The following RTF1 variants were observed in gnomAD, a reference collection of about 807,000 sequenced individuals.
RTF1 encodes the protein RTF1 homolog, Paf1/RNA polymerase II complex component, also known as RNA polymerase-associated protein RTF1 homolog.
A neutral mutation model predicts 95.7 loss-of-function variants in RTF1; 10 were observed. That is an observed-to-expected ratio of 0.10 (90% CI 0.06 to 0.18). RTF1 has a LOEUF of 0.18. RTF1 is among the 10% of genes least tolerant of loss of function. The pLI is 1.00. For synonymous variants in RTF1, 305 were observed against 311.8 expected (o/e 0.98, Z 0.23); for missense variants, 458 against 875.6 (o/e 0.52, Z 6.02).
intron 8 of RTF1, among the ~76,000 whole-genome samples, chr15:41,474,057 AAGAG>A (rs1279783164): frequency 1.3e-5 from 2 of 151,694 alleles, no homozygotes; most frequent in Admixed American, 6.6e-5. Flanking sequence ...AACAAAAAAA[AAGAG>A]AGACTGGGTC....
chr15:41,468,325 C>CTT, intron 6 of RTF1, among the ~76,000 whole-genome samples: 1 of 148,020 alleles, frequency 6.8e-6, no homozygotes, highest in Non-Finnish European at 1.5e-5. Context: ...AAAGAGAAAC[C>CTT]TTTTTTTTTT....
Position 41,464,900 on chromosome 15 carries a change from G to T in RTF1, c.777+15G>T. ...AAGAATCTCAGGTAGGAGATTCAGT[G>T]TTCCTCATTGTCCAAAGAATAAACC... On this transcript the variant is annotated intron_variant, in intron 5 of 17. Transcript: ENST00000389629. 1 of 1,519,184 alleles carries T rather than the reference G, an allele frequency of 6.6e-7. No homozygotes were observed. The highest frequency in any genetic ancestry group is 8.8e-7 in the Non-Finnish European group (1 of 1,138,628). The allele number at this position is 1,519,184 out of a possible 1,614,324, so 94.1% of individuals were successfully genotyped here.
intron 1 of RTF1, among the ~76,000 whole-genome samples, chr15:41,423,052 G>A (rs1384202316): frequency 2.0e-5 from 3 of 152,154 alleles, no homozygotes; most frequent in East Asian, 1.9e-4. Context: ...GATTACAGGC[G>A]TGAACCACCG....
chr15:41,446,925 C>T (rs2050766698), intron 2 of RTF1, among the ~76,000 whole-genome samples: 1 of 151,910 alleles, frequency 6.6e-6, no homozygotes, highest in African/African-American at 2.4e-5. Flanking sequence ...CCCTTGGCCT[C>T]CTGAGTAACT....
intron 8 of RTF1, among the ~76,000 whole-genome samples, chr15:41,473,534 C>T (rs1030137634): frequency 1.9e-4 from 29 of 150,686 alleles, no homozygotes; most frequent in African/African-American, 4.9e-4. Flanking sequence ...CCTCGGTTTT[C>T]GAAAGTGCTA....
intron 4 of RTF1, among the ~76,000 whole-genome samples, chr15:41,460,774 A>G (rs552913832): frequency 1.3e-5 from 2 of 151,606 alleles, no homozygotes; most frequent in South Asian, 4.2e-4. Context: ...GCTCACTACA[A>G]TTGCCACCTC....
chr15:41,462,238 C>T (rs1485655651), intron 4 of RTF1, among the ~76,000 whole-genome samples: 8 of 152,090 alleles, frequency 5.3e-5, no homozygotes, highest in Admixed American at 2.6e-4. Flanking sequence ...ATATGGATTG[C>T]ATTTAATCTT....
chr15:41,477,376 C>A, intron 13 of RTF1, 82 bp from the exon 14 acceptor site: 1 of 1,612,422 alleles, frequency 6.2e-7, no homozygotes, highest in Non-Finnish European at 8.5e-7. Context: ...TGCACTGACC[C>A]CATAGATATC....
rs937394742 is a variant in RTF1, at chr15:41,457,563, T to G, written c.458-109T>G. On this transcript the variant is annotated intron_variant, in intron 3 of 17. Transcript: ENST00000389629. ...AAAACAAATAAGTAAAATAACAAAC[T>G]GGTTTCTTACTGTAGCTGAAAGAAG... 14 of 949,396 alleles carry G rather than the reference T, an allele frequency of 1.5e-5. No individual in the cohort carries two copies. The African/African-American group carries it at 2.3e-4, about 16-fold the overall frequency. 58.8% of individuals were successfully genotyped at this position (949,396 alleles called of 1,614,324 possible).
rs137909549 is a variant in RTF1 at position 41,469,946 on chromosome 15, T to C, written c.890-311T>C. Among the ~76,000 whole-genome samples the C allele has an allele frequency of 3.0e-4, 46 of 152,308 alleles. 1 individual carries two copies. In the East Asian group the frequency reaches 8.1e-3, roughly 27 times the overall value. On this transcript the variant is annotated intron_variant, in intron 6 of 17. Coordinates refer to ENST00000389629, the MANE Select transcript of RTF1 (RefSeq NM_015138.5). ...TGAAGTCATCATGAGTCTTTCCCCC[T>C]CTTTCCTCCCCATAGTCAAGTGTCT...
intron 2 of RTF1, among the ~76,000 whole-genome samples, chr15:41,444,109 T>A (rs2050749069): frequency 6.6e-6 from 1 of 150,980 alleles, no homozygotes; most frequent in Admixed American, 6.6e-5. Context: ...AAAAATTTTT[T>A]TTAATACAAA....
At position 41,426,830 on chromosome 15, in the gene RTF1, TTTTGTTTGTTTG is replaced by T. The variant is rs528689623; in HGVS notation, c.198+9533_198+9544del. On this transcript the variant is annotated intron_variant, in intron 1 of 17. Transcript: ENST00000389629. The stretch of plus-strand genomic sequence containing the variant: ...GTGTGTGTGTGTGTGTGTGTGTAAT[TTTTGTTTGTTTG>T]TTTGTTTGTTTGTTTTTTAGGCAGA... Among the ~76,000 whole-genome samples the T allele has an allele frequency of 3.4e-3, 479 of 140,134 alleles. 3 individuals are homozygous for T. The highest frequency in any genetic ancestry group is 0.012 in the African/African-American group (460 of 38,096). The allele number at this position is 140,134 out of a possible 152,430, so 91.9% of individuals were successfully genotyped here.
At chr15:41,470,201 A>C in intron 6 of RTF1, 56 bp from the exon 7 acceptor site, 1 of 1,573,110 alleles carries the variant, frequency 6.4e-7, no homozygotes, top group Non-Finnish European at 8.7e-7. Context: ...TTTTTCAAGG[A>C]TGAATTCATT....
intron 1 of RTF1, among the ~76,000 whole-genome samples, chr15:41,418,888 A>C: frequency 6.6e-6 from 1 of 151,714 alleles, no homozygotes. Flanking sequence ...GGAGTCTCGC[A>C]CTGTCGCCCA....
chr15:41,446,283 A>G (rs1458798995), intron 2 of RTF1, among the ~76,000 whole-genome samples: 1 of 152,042 alleles, frequency 6.6e-6, no homozygotes, highest in Non-Finnish European at 1.5e-5. Flanking sequence ...AGAAATTCTC[A>G]TTTTTGGCCA....
At chr15:41,460,750 G>A (rs954000016) in intron 4 of RTF1, among the ~76,000 whole-genome samples, 1 of 151,746 alleles carries the variant, frequency 6.6e-6, no homozygotes, top group African/African-American at 2.4e-5. Flanking sequence ...CAGGAGTGCA[G>A]TGGTGTGAAC....
chr15:41,418,508 C>A (rs142139747), intron 1 of RTF1, among the ~76,000 whole-genome samples: 16 of 152,006 alleles, frequency 1.1e-4, no homozygotes, highest in African/African-American at 3.9e-4. Context: ...TTATATGAAG[C>A]CAGAGGTCTC....
chr15:41,463,197 A>G (rs1283024739), intron 4 of RTF1, among the ~76,000 whole-genome samples: 1 of 152,182 alleles, frequency 6.6e-6, no homozygotes, highest in East Asian at 1.9e-4. Context: ...CATTTTATGT[A>G]TATACCACAT....
At position 41,466,135 on chromosome 15, in the gene RTF1, T is replaced by C. The variant is rs2050879287; in HGVS notation, c.778-6T>C. 1 of 1,549,554 alleles carries C rather than the reference T, an allele frequency of 6.5e-7. No homozygotes were observed. Among genetic ancestry groups the C allele is most frequent in the African/African-American group, 1.4e-5 (1 of 73,012 alleles). On this transcript the variant is annotated splice_polypyrimidine_tract_variant and splice_region_variant and intron_variant, in intron 5 of 17. Coordinates refer to ENST00000389629, the MANE Select transcript of RTF1 (RefSeq NM_015138.5). ...AGGGCCATTCTATATATCCTTCCCT[T>C]CCTAGGTAACATCCCACAACAAGGA...
Sources: gnomAD v4.1 joint callset for allele counts (sites outside exome capture counted in the v4.1 genomes callset) on GRCh38, gnomAD v4.1.1 for gene constraint, MANE v1.5 for transcripts, NCBI Gene and HGNC (gene_info 2026-07-23, HGNC 2026-07-21) for gene names.